The following RAB11A variants were observed in gnomAD, a reference collection of about 807,000 sequenced individuals.
RAB11A encodes ras-related protein Rab-11A.
In RAB11A, 9 loss-of-function variants were observed where a neutral mutation model predicts 28.0. The ratio of observed to expected loss-of-function variants is 0.32; its 90% CI spans 0.19 to 0.56. The LOEUF is 0.56. Ranked by LOEUF, RAB11A falls within the 20% of genes least tolerant of loss-of-function variation. RAB11A has a pLI of 0.91. For synonymous variants in RAB11A, 85 were observed against 88.2 expected, an observed-to-expected ratio of 0.96 and a Z score of 0.20; for missense variants, 108 against 269.6, an observed-to-expected ratio of 0.40 and a Z score of 4.20.
At chr15:65,880,872 T>G (rs1049715122) in intron 4 of RAB11A, among the ~76,000 whole-genome samples, 4 of 152,210 alleles carry the variant, frequency 2.6e-5, no homozygotes, top group Non-Finnish European at 5.9e-5. Context: ...TTATAAAATC[T>G]TGTGATAGGA....
chr15:65,885,695 C>A (rs578134326), intron 4 of RAB11A, among the ~76,000 whole-genome samples: 1 of 152,264 alleles, frequency 6.6e-6, no homozygotes, highest in East Asian at 1.9e-4. Context: ...TTAGATTTCT[C>A]TTGTAGGAGA....
chr15:65,887,654 T>C (rs1596793541), intron 4 of RAB11A, 47 bp from the exon 5 acceptor site: 6 of 1,533,788 alleles, frequency 3.9e-6, no homozygotes, highest in African/African-American at 1.4e-5. Context: ...ATCCTAACTA[T>C]GATAGGTTTA....
At position 65,890,528 on chromosome 15, in the gene RAB11A, TAGTGACCTTACATC is replaced by T. The variant is rs2141111752; in HGVS notation, c.*2694_*2707del. The T allele has an allele frequency of 6.6e-6, 1 of 152,362 alleles. No individual in the cohort carries two copies. Among genetic ancestry groups the T allele is most frequent in the African/African-American group, 2.4e-5 (1 of 41,584 alleles). 9.4% of individuals were successfully genotyped at this position (152,362 alleles called of 1,614,324 possible). On this transcript the variant is annotated 3_prime_UTR_variant, in exon 5 of 5. Coordinates refer to ENST00000261890, the MANE Select transcript of RAB11A (RefSeq NM_004663.5). ...TGTAATTATAAGAAGAGGTGCCAGC[TAGTGACCTTACATC>T]AGTGATCTTTTAAGTTCTGAAGGGT... is the stretch of plus-strand genomic sequence containing the variant.
At chr15:65,871,832 AT>A (rs1021880639) in intron 1 of RAB11A, among the ~76,000 whole-genome samples, 1 of 151,664 alleles carries the variant, frequency 6.6e-6, no homozygotes, top group Non-Finnish European at 1.5e-5. Flanking sequence ...GATTGTGAGA[AT>A]TAAATAATGA....
intron 1 of RAB11A, among the ~76,000 whole-genome samples, chr15:65,870,303 ACT>A (rs1037229122): frequency 1.3e-5 from 2 of 151,634 alleles, no homozygotes; most frequent in African/African-American, 4.8e-5. Flanking sequence ...CCATTTGGCA[ACT>A]CTCTCTACCT....
chr15:65,879,845 C>A, intron 4 of RAB11A, 94 bp downstream of exon 4: 1 of 926,000 alleles, frequency 1.1e-6, no homozygotes, highest in Non-Finnish European at 1.6e-6. Flanking sequence ...ATATATCAGC[C>A]GAGAGTGACT....
intron 1 of RAB11A, 123 bp downstream of exon 1, chr15:65,869,748 G>T: frequency 9.3e-7 from 1 of 1,078,534 alleles, no homozygotes; most frequent in South Asian, 1.7e-5. Context: ...TCCTTTTTGT[G>T]CGGTTCCGTC....
chr15:65,888,037 A>G lies in RAB11A; in HGVS notation c.*197A>G, dbSNP rs1267629016. 3.1e-5 allele frequency: 15 copies of G among 491,484 alleles called. No individual in the cohort carries two copies. Among genetic ancestry groups the G allele is most frequent in the Admixed American group, 2.1e-4 (5 of 23,750 alleles). The allele number at this position is 491,484 out of a possible 1,614,324, so 30.4% of individuals were successfully genotyped here. On this transcript the variant is annotated 3_prime_UTR_variant, in exon 5 of 5. Transcript: ENST00000261890. ...AATGACTGCAGCTTTTTTTCATGCT[A>G]TGGCTTCACTAGCCTTAGTTTAATA...
At chr15:65,880,175 C>G (rs937919503) in intron 4 of RAB11A, among the ~76,000 whole-genome samples, 33 of 152,110 alleles carry the variant, frequency 2.2e-4, no homozygotes, top group African/African-American at 7.7e-4. Context: ...TAAAATTCTC[C>G]CATGATACAG....
At chr15:65,885,605 G>T (rs1288598743) in intron 4 of RAB11A, among the ~76,000 whole-genome samples, 1 of 152,128 alleles carries the variant, frequency 6.6e-6, no homozygotes, top group Non-Finnish European at 1.5e-5. Context: ...ATCTGATACA[G>T]CTTTGGACCT....
chr15:65,877,611 TG>T lies in RAB11A; in HGVS notation c.236+85del. 7.1e-7 allele frequency: 1 copy of T among 1,415,904 alleles called. No homozygotes were observed. Among genetic ancestry groups the T allele is most frequent in the Middle Eastern group, 1.8e-4 (1 of 5,472 alleles). 87.7% of individuals were successfully genotyped at this position (1,415,904 alleles called of 1,614,324 possible). A position where few individuals can be genotyped will look rare whatever the true frequency, so the allele number is the denominator to read the frequency against. ...CTTTTGGTATTGGAAAAAGAACTGT[TG>T]TTTTTTTCTTTTAAGAATTCTAGTA... On this transcript the variant is annotated intron_variant, in intron 2 of 4. Coordinates refer to ENST00000261890, the MANE Select transcript of RAB11A (RefSeq NM_004663.5). The surrounding 1 kb of genome is among the most constrained non-coding windows in gnomAD (Gnocchi z 4.1).
chr15:65,886,716 A>T (rs1453091673), intron 4 of RAB11A, among the ~76,000 whole-genome samples: 1 of 152,192 alleles, frequency 6.6e-6, no homozygotes, highest in Non-Finnish European at 1.5e-5. Context: ...TCATGCGGTT[A>T]TTTATTTATC....
Position 65,891,106 on chromosome 15 carries a change from G to A in RAB11A, c.*3266G>A, listed in dbSNP as rs1035454252. On this transcript the variant is annotated 3_prime_UTR_variant, in exon 5 of 5. Coordinates refer to ENST00000261890, the MANE Select transcript of RAB11A (RefSeq NM_004663.5). ...ATTTTTCTTCTGGTTGGGTGGTGCT[G>A]GTGCCACGCCCCTTTCTGGGATTTG... 3 of 152,174 alleles carry A rather than the reference G, an allele frequency of 2.0e-5. No individual in the cohort carries two copies. Among genetic ancestry groups the A allele is most frequent in the Non-Finnish European group, 2.9e-5 (2 of 68,032 alleles). The allele number at this position is 152,174 out of a possible 1,614,324, so 9.4% of individuals were successfully genotyped here. A position where few individuals can be genotyped will look rare whatever the true frequency, so the allele number is the denominator to read the frequency against.
chr15:65,877,276 G>A lies in RAB11A; in HGVS notation c.41-56G>A. On this transcript the variant is annotated intron_variant, in intron 1 of 4. Transcript: ENST00000261890. This position sits in a 1 kb window ranked among gnomAD's most constrained non-coding sequence, Gnocchi z 4.1. ...AACTTCATTCTGTTGAAAGCATAGT[G>A]GTGTTCTGAATATGTTTGCCTCATT... 1 of 1,375,274 alleles carries A rather than the reference G, an allele frequency of 7.3e-7. No individual in the cohort carries two copies. The highest frequency in any genetic ancestry group is 1.0e-6 in the Non-Finnish European group (1 of 993,040). The allele number at this position is 1,375,274 out of a possible 1,614,324, so 85.2% of individuals were successfully genotyped here.
In RAB11A at chr15:65,890,608, CAG is replaced by C. The variant is rs760331928; in HGVS notation, c.*2771_*2772del. Reference sequence around the variant, plus strand: ...CACTTCTTGAGTTTGGGTTGCCCATCAGAGCTGGTCACATTTCTTTGATCATT... The same window carrying C: ...CACTTCTTGAGTTTGGGTTGCCCATCAGCTGGTCACATTTCTTTGATCATT... On this transcript the variant is annotated 3_prime_UTR_variant, in exon 5 of 5. Transcript: ENST00000261890. The C allele has an allele frequency of 1.3e-4, 20 of 152,166 alleles. No homozygotes were observed. Among genetic ancestry groups the C allele is most frequent in the Non-Finnish European group, 2.6e-4 (18 of 68,026 alleles). 9.4% of individuals were successfully genotyped at this position (152,166 alleles called of 1,614,324 possible).
At chr15:65,881,609 T>C (rs565106225) in intron 4 of RAB11A, among the ~76,000 whole-genome samples, 30 of 152,304 alleles carry the variant, frequency 2.0e-4, no homozygotes, top group African/African-American at 6.7e-4. Flanking sequence ...AAGTCTTCCA[T>C]CTGCAGTTAA....
intron 1 of RAB11A, chr15:65,869,928 T>G: frequency 1.1e-5 from 3 of 275,596 alleles, no homozygotes; most frequent in Non-Finnish European, 6.8e-6. Flanking sequence ...CCCCGGGTTC[T>G]ACGGCCCCGC....
rs150687084 is a variant in RAB11A at position 65,889,787 on chromosome 15, A to G, written c.*1947A>G. On this transcript the variant is annotated 3_prime_UTR_variant, in exon 5 of 5. Coordinates refer to ENST00000261890, the MANE Select transcript of RAB11A (RefSeq NM_004663.5). ...AAAACTAAATAGTGAATTGAAAATG[A>G]ATAAAGTAAACTTAGAATTTTTACC... The G allele has an allele frequency of 3.9e-5, 6 of 152,352 alleles. No individual in the cohort carries two copies. The East Asian group carries it at 1.2e-3, about 29-fold the overall frequency. 9.4% of individuals were successfully genotyped at this position (152,352 alleles called of 1,614,324 possible).
chr15:65,891,108 T>C lies in RAB11A; in HGVS notation c.*3268T>C, dbSNP rs913503126. 6.6e-6 allele frequency: 1 copy of C among 152,224 alleles called. No homozygotes were observed. Among genetic ancestry groups the C allele is most frequent in the South Asian group, 2.1e-4 (1 of 4,836 alleles). The allele number at this position is 152,224 out of a possible 1,614,324, so 9.4% of individuals were successfully genotyped here. ...TTTTCTTCTGGTTGGGTGGTGCTGG[T>C]GCCACGCCCCTTTCTGGGATTTGAC... is the stretch of plus-strand genomic sequence containing the variant. On this transcript the variant is annotated 3_prime_UTR_variant, in exon 5 of 5. Transcript: ENST00000261890.
Sources: allele counts gnomAD v4.1 joint callset (sites outside exome capture counted in the v4.1 genomes callset), GRCh38; gene constraint gnomAD v4.1.1; non-coding constraint Gnocchi (gnomAD v3.1); transcripts MANE v1.5; gene names NCBI Gene and HGNC (gene_info 2026-07-23, HGNC 2026-07-21).